Variants in ATXN1 observed in about 807,000 individuals in gnomAD.
The protein encoded by ATXN1 is ataxin-1.
A neutral mutation model predicts 56.4 loss-of-function variants in ATXN1; 8 were observed. The observed-to-expected ratio is 0.14, with a 90% CI of 0.08 to 0.26. The LOEUF is 0.26. Among genes scored for constraint, ATXN1 ranks in the 10% least tolerant of loss-of-function variants. ATXN1 has a pLI of 1.00. For missense variants in ATXN1, 987 were observed against 1,106.5 expected, an observed-to-expected ratio of 0.89 and a Z score of 1.53; for synonymous variants, 514 against 494.6, an observed-to-expected ratio of 1.04 and a Z score of -0.52.
chr6:16,491,689 C>G lies in ATXN1; in HGVS notation c.-298-5580G>C, dbSNP rs897031507. On this transcript the variant is annotated intron_variant, in intron 5 of 7. Transcript: ENST00000436367. ...TCCCCTGCCAGACACACACCTCTTCCCAGTTAGTCAGTGGGACAGTAATCA... is the reference window on the plus strand; with the variant it reads ...TCCCCTGCCAGACACACACCTCTTCGCAGTTAGTCAGTGGGACAGTAATCA... Among the ~76,000 whole-genome samples, 3 of 152,120 alleles carry G rather than the reference C, an allele frequency of 2.0e-5. No individual in the cohort carries two copies. The East Asian group carries it at 5.8e-4, about 29-fold the overall frequency.
intron 6 of ATXN1, among the ~76,000 whole-genome samples, chr6:16,422,871 TC>T (rs1384721647): frequency 1.1e-4 from 17 of 152,354 alleles, no homozygotes; most frequent in African/African-American, 3.8e-4. Context: ...TAATTTCAGT[TC>T]TTTCATATTT....
At chr6:16,628,263 G>A (rs931202090) in intron 3 of ATXN1, among the ~76,000 whole-genome samples, 6 of 152,048 alleles carry the variant, frequency 3.9e-5, no homozygotes, top group Admixed American at 3.9e-4. Flanking sequence ...TGGTTTATTT[G>A]TTTGTTTTGT....
At chr6:16,329,884 A>G (rs947258624) in intron 6 of ATXN1, among the ~76,000 whole-genome samples, 1 of 152,230 alleles carries the variant, frequency 6.6e-6, no homozygotes, top group African/African-American at 2.4e-5. Context: ...CAAGAGGCCA[A>G]ATATCAGTGG....
intron 3 of ATXN1, among the ~76,000 whole-genome samples, chr6:16,608,549 CA>C (rs1281144817): frequency 4.6e-5 from 7 of 152,322 alleles, no homozygotes; most frequent in African/African-American, 1.7e-4. Flanking sequence ...GCAAGGATCA[CA>C]AAAGCTTCTG....
chr6:16,654,937 G>A (rs1029723035), intron 3 of ATXN1, among the ~76,000 whole-genome samples: 1 of 152,096 alleles, frequency 6.6e-6, no homozygotes, highest in Non-Finnish European at 1.5e-5. Flanking sequence ...AAAAAAAAAT[G>A]CTGTTATGAA....
rs541522635 is a variant in ATXN1 at position 16,506,007 on chromosome 6, A to G, written c.-299+16620T>C. Among the ~76,000 whole-genome samples, 4 of 152,182 alleles carry G rather than the reference A, an allele frequency of 2.6e-5. No individual in the cohort carries two copies. Among genetic ancestry groups the G allele is most frequent in the African/African-American group, 9.6e-5 (4 of 41,514 alleles). ...TTTTTGTGATTCTCCTTTTCACTTC[A>G]TCTGGAGGGCAGTGTCTTCCCTCCT... is the stretch of plus-strand genomic sequence containing the variant. On this transcript the variant is annotated intron_variant, in intron 5 of 7. Coordinates refer to ENST00000436367, the MANE Select transcript of ATXN1 (RefSeq NM_001128164.2). The surrounding 1 kb of genome is among the most constrained non-coding windows in gnomAD (Gnocchi z 4.1).
chr6:16,731,363 A>G (rs759205065), intron 2 of ATXN1, among the ~76,000 whole-genome samples: 2 of 151,942 alleles, frequency 1.3e-5, no homozygotes, highest in Admixed American at 6.5e-5. Flanking sequence ...CTGAGCTGCA[A>G]TGAGAAATGA....
chr6:16,541,279 G>A (rs2113716904), intron 4 of ATXN1, among the ~76,000 whole-genome samples: 1 of 152,308 alleles, frequency 6.6e-6, no homozygotes, highest in African/African-American at 2.4e-5. Context: ...TTGAGAGAGG[G>A]TGACCAACCA....
chr6:16,610,081 G>A (rs1315640246), intron 3 of ATXN1, among the ~76,000 whole-genome samples: 1 of 151,984 alleles, frequency 6.6e-6, no homozygotes, highest in Non-Finnish European at 1.5e-5. Flanking sequence ...AAAGGCACTG[G>A]AAAAAAGATG....
rs182600773 is a variant in ATXN1, at chr6:16,388,657, G to C, written c.-160-60187C>G. On this transcript the variant is annotated intron_variant, in intron 6 of 7. Coordinates refer to ENST00000436367, the MANE Select transcript of ATXN1 (RefSeq NM_001128164.2). ...TCAGAAAGCTGGCATGATTCAATAA[G>C]ATTCAGAAAAGATGAGACCCCAGGA... Among the ~76,000 whole-genome samples, 935 of 152,306 alleles carry C rather than the reference G, an allele frequency of 6.1e-3. 5 individuals carry two copies. The highest frequency in any genetic ancestry group is 0.031 in the Middle Eastern group (9 of 294).
intron 2 of ATXN1, among the ~76,000 whole-genome samples, chr6:16,668,887 ACCTT>A (rs1758483790): frequency 6.6e-6 from 1 of 151,782 alleles, no homozygotes; most frequent in African/African-American, 2.4e-5. Context: ...CAATCCTCCC[ACCTT>A]GGCCTCCTGG....
intron 6 of ATXN1, among the ~76,000 whole-genome samples, chr6:16,349,093 G>A (rs762692638): frequency 3.3e-5 from 5 of 152,208 alleles, no homozygotes; most frequent in Non-Finnish European, 5.9e-5. Context: ...GAATTTAGAT[G>A]AGGGCCTGGC....
intron 5 of ATXN1, among the ~76,000 whole-genome samples, chr6:16,489,261 A>T (rs555986447): frequency 1.4e-4 from 22 of 152,022 alleles, no homozygotes; most frequent in African/African-American, 5.3e-4. Flanking sequence ...CATATCCAAA[A>T]CCTGTTCTAG....
At chr6:16,535,314 T>C (rs1761575499) in intron 4 of ATXN1, among the ~76,000 whole-genome samples, 1 of 152,224 alleles carries the variant, frequency 6.6e-6, no homozygotes. Flanking sequence ...TGGCTGATTC[T>C]AGTACTGTGA....
intron 3 of ATXN1, among the ~76,000 whole-genome samples, chr6:16,596,073 T>G (rs116575622): frequency 1.3e-5 from 2 of 152,210 alleles, no homozygotes. Context: ...CATAGCTCAC[T>G]GCAGCCTCTA....
In ATXN1 at chr6:16,328,799, C is replaced by T. The variant is rs927087070; in HGVS notation, c.-160-329G>A. Among the ~76,000 whole-genome samples, 1 of 152,144 alleles carries T rather than the reference C, an allele frequency of 6.6e-6. No individual in the cohort carries two copies. The highest frequency in any genetic ancestry group is 2.4e-5 in the African/African-American group (1 of 41,428). ...GCCTGGTGTAACATTAGCTGGCACA[C>T]GGCTGTAGTCCCAGCTACTTGAGAG... On this transcript the variant is annotated intron_variant, in intron 6 of 7. Coordinates refer to ENST00000436367, the MANE Select transcript of ATXN1 (RefSeq NM_001128164.2). This position sits in a 1 kb window ranked among gnomAD's most constrained non-coding sequence, Gnocchi z 6.2.
At chr6:16,644,801 AAAG>A (rs1763773489) in intron 3 of ATXN1, among the ~76,000 whole-genome samples, 1 of 152,088 alleles carries the variant, frequency 6.6e-6, no homozygotes, top group African/African-American at 2.4e-5. Flanking sequence ...CCATTTTCGC[AAAG>A]TGAGCACAGC....
At chr6:16,479,103 T>G (rs1760384176) in intron 6 of ATXN1, among the ~76,000 whole-genome samples, 1 of 152,228 alleles carries the variant, frequency 6.6e-6, no homozygotes, top group South Asian at 2.1e-4. Flanking sequence ...GTCTGAGTTT[T>G]GGAAATAAAA....
chr6:16,663,646 TTTTA>T lies in ATXN1; in HGVS notation c.-614-5749_-614-5746del, dbSNP rs34453220. Among the ~76,000 whole-genome samples the T allele has an allele frequency of 1.3e-3, 203 of 150,570 alleles. 1 individual carries two copies. Among genetic ancestry groups the T allele is most frequent in the Admixed American group, 2.2e-3 (34 of 15,118 alleles). Reference sequence around the variant, plus strand: ...GCAGCCAGGAGCATGTTTTTTAATTTTTTATTTATTTATTTATTTATTTATTTAT... The same window carrying T: ...GCAGCCAGGAGCATGTTTTTTAATTTTTTATTTATTTATTTATTTATTTAT... On this transcript the variant is annotated intron_variant, in intron 2 of 7. Coordinates refer to ENST00000436367, the MANE Select transcript of ATXN1 (RefSeq NM_001128164.2).
Sources: gnomAD v4.1 joint callset for allele counts (sites outside exome capture counted in the v4.1 genomes callset) on GRCh38, gnomAD v4.1.1 for gene constraint, Gnocchi (gnomAD v3.1) non-coding constraint, MANE v1.5 for transcripts, NCBI Gene and HGNC (gene_info 2026-07-23, HGNC 2026-07-21) for gene names.